CUX2: variants seen among roughly 807,000 people sequenced by gnomAD.
The protein encoded by CUX2 is homeobox protein cut-like 2.
CUX2 carries 40 observed loss-of-function variants against 144.8 expected under a neutral mutation model. The observed-to-expected ratio is 0.28, with a 90% CI of 0.21 to 0.36. CUX2 has a LOEUF of 0.36. Among genes scored for constraint, CUX2 ranks in the 10% least tolerant of loss-of-function variants. The probability of loss-of-function intolerance (pLI) is 1.00; values close to 1 mark genes in which losing one functional copy is unlikely to be tolerated. For synonymous variants in CUX2, 827 were observed against 875.6 expected, an observed-to-expected ratio of 0.94 and a Z score of 0.98; for missense variants, 1,615 against 1,994.0, an observed-to-expected ratio of 0.81 and a Z score of 3.62.
intron 1 of CUX2, among the ~76,000 whole-genome samples, chr12:111,084,842 G>A (rs1244274677): frequency 1.3e-5 from 2 of 151,882 alleles, no homozygotes; most frequent in African/African-American, 2.4e-5. Context: ...CTCGGGCTCC[G>A]GGGTGCCCAC....
At chr12:111,146,361 C>T (rs763105300) in intron 1 of CUX2, among the ~76,000 whole-genome samples, 1 of 152,194 alleles carries the variant, frequency 6.6e-6, no homozygotes, top group African/African-American at 2.4e-5. Context: ...TTTCCCCCAA[C>T]GTTCCTGGTA....
chr12:111,215,403 C>T (rs1881477938), intron 2 of CUX2, among the ~76,000 whole-genome samples: 1 of 152,186 alleles, frequency 6.6e-6, no homozygotes, highest in Non-Finnish European at 1.5e-5. Flanking sequence ...CTGCAAAATC[C>T]ATCTCACACA....
intron 2 of CUX2, among the ~76,000 whole-genome samples, chr12:111,215,162 C>T (rs750705404): frequency 6.6e-6 from 1 of 152,190 alleles, no homozygotes; most frequent in Non-Finnish European, 1.5e-5. Flanking sequence ...CTGTCCTTAC[C>T]TGCTCAGGTG....
intron 1 of CUX2, among the ~76,000 whole-genome samples, chr12:111,110,786 G>T (rs1873893996): frequency 6.6e-6 from 1 of 152,232 alleles, no homozygotes; most frequent in African/African-American, 2.4e-5. Context: ...GGTATTTGGT[G>T]CATGAAATCT....
At chr12:111,069,997 G>A (rs950537641) in intron 1 of CUX2, among the ~76,000 whole-genome samples, 4 of 152,190 alleles carry the variant, frequency 2.6e-5, no homozygotes, top group African/African-American at 9.7e-5. Flanking sequence ...CTCCTGTGAT[G>A]AGGATGGGAG....
chr12:111,241,390 T>G (rs747135742), intron 3 of CUX2, among the ~76,000 whole-genome samples: 1 of 152,156 alleles, frequency 6.6e-6, no homozygotes, highest in Non-Finnish European at 1.5e-5. Flanking sequence ...GTCCAAACCA[T>G]AGCAGAGCCC....
At position 111,128,890 on chromosome 12, in the gene CUX2, C is replaced by G. The variant is rs536304045; in HGVS notation, c.64-85310C>G. On this transcript the variant is annotated intron_variant, in intron 1 of 21. Transcript: ENST00000261726. ...AGCAATAGAGCAGCTTTCACAGCAG[C>G]CTAGACCTGTTGCAGAGCCTTCTCC... Among the ~76,000 whole-genome samples the G allele has an allele frequency of 4.8e-4, 73 of 152,190 alleles. 1 individual carries two copies. Among genetic ancestry groups the G allele is most frequent in the Non-Finnish European group, 9.8e-4 (67 of 68,028 alleles).
intron 1 of CUX2, among the ~76,000 whole-genome samples, chr12:111,203,139 G>A (rs1326722074): frequency 6.6e-6 from 1 of 151,268 alleles, no homozygotes; most frequent in East Asian, 1.9e-4. Context: ...GGCTGAGGCA[G>A]GAGAATCACT....
chr12:111,093,162 C>A (rs75158434), intron 1 of CUX2, among the ~76,000 whole-genome samples: 1 of 152,182 alleles, frequency 6.6e-6, no homozygotes, highest in Non-Finnish European at 1.5e-5. Flanking sequence ...GCAGTTGGAA[C>A]GTAGTGGAGC....
At chr12:111,328,941 A>ATCTCTCCCTCTCTCTCTCTCTCTC (rs1887949182) in intron 18 of CUX2, among the ~76,000 whole-genome samples, 2 of 28,988 alleles carry the variant, frequency 6.9e-5, no homozygotes, top group African/African-American at 5.3e-4. Context: ...TGATTCACCT[A>ATCTCTCCCTCTCTCTCTCTCTCTC]TCTCTCTCTC....
intron 1 of CUX2, among the ~76,000 whole-genome samples, chr12:111,079,263 G>T (rs1871722556): frequency 6.6e-6 from 1 of 152,238 alleles, no homozygotes; most frequent in South Asian, 2.1e-4. Context: ...GATTCTTGGG[G>T]TGGGTGGGGG....
intron 17 of CUX2, among the ~76,000 whole-genome samples, chr12:111,321,801 A>G (rs187185052): frequency 6.6e-6 from 1 of 152,258 alleles, no homozygotes. Context: ...TGTCACCTCT[A>G]CCTTTAGCAA....
intron 1 of CUX2, among the ~76,000 whole-genome samples, chr12:111,056,805 G>A (rs1360512406): frequency 1.3e-5 from 2 of 152,234 alleles, no homozygotes; most frequent in Non-Finnish European, 2.9e-5. Context: ...TACAGTGAGG[G>A]CGATGGTGGT....
rs993498659 is a variant in CUX2, at chr12:111,074,365, C to T, written c.63+40125C>T. Among the ~76,000 whole-genome samples the T allele has an allele frequency of 2.6e-5, 4 of 152,050 alleles. No individual in the cohort carries two copies. In the South Asian group the frequency reaches 6.2e-4, roughly 24 times the overall value. ...TCCCCAGGTGATTCAGAGCCAAAGA[C>T]GTAGGGTAAACACCTGAGTAGAGTA... is the stretch of plus-strand genomic sequence containing the variant. On this transcript the variant is annotated intron_variant, in intron 1 of 21. Transcript: ENST00000261726.
At chr12:111,145,043 C>T (rs1876580239) in intron 1 of CUX2, among the ~76,000 whole-genome samples, 1 of 152,186 alleles carries the variant, frequency 6.6e-6, no homozygotes, top group Non-Finnish European at 1.5e-5. Context: ...CACCTCCTAG[C>T]CTCCAGGCTG....
chr12:111,144,830 G>A (rs1876557089), intron 1 of CUX2, among the ~76,000 whole-genome samples: 1 of 152,178 alleles, frequency 6.6e-6, no homozygotes, highest in Non-Finnish European at 1.5e-5. Flanking sequence ...TTTACCTGGA[G>A]GCCTGAGGAT....
intron 18 of CUX2, among the ~76,000 whole-genome samples, chr12:111,323,407 G>C (rs1481504149): frequency 6.6e-6 from 1 of 152,256 alleles, no homozygotes; most frequent in Non-Finnish European, 1.5e-5. Context: ...CTCCATCCCA[G>C]TGACAGTGCT....
intron 3 of CUX2, among the ~76,000 whole-genome samples, chr12:111,223,208 G>A (rs1043077248): frequency 6.6e-6 from 1 of 152,088 alleles, no homozygotes; most frequent in Non-Finnish European, 1.5e-5. Context: ...CCTCAAGGAT[G>A]TCCCTAGGAT....
chr12:111,080,396 G>A (rs180976732), intron 1 of CUX2, among the ~76,000 whole-genome samples: 7 of 152,150 alleles, frequency 4.6e-5, no homozygotes, highest in Non-Finnish European at 7.4e-5. Context: ...CTAGGGCCAG[G>A]AGTGGTGGCT....
Sources: gnomAD v4.1 joint callset for allele counts (sites outside exome capture counted in the v4.1 genomes callset) on GRCh38, gnomAD v4.1.1 for gene constraint, MANE v1.5 for transcripts, NCBI Gene and HGNC (gene_info 2026-07-23, HGNC 2026-07-21) for gene names.